Variants in EMP2 observed in about 807,000 individuals in gnomAD.
EMP2 encodes the protein epithelial membrane protein 2.
Under a neutral mutation model 13.7 loss-of-function variants are expected in EMP2, and 19 were observed. The observed-to-expected ratio is 1.38, with a 90% CI of 0.97 to 2.03. The LOEUF is 2.03. Among genes scored for constraint, EMP2 ranks in the 30% most tolerant of loss-of-function variants. The pLI, the probability that EMP2 is intolerant of heterozygous loss-of-function variation, is 0.00. For synonymous variants in EMP2, 97 were observed against 84.7 expected, an observed-to-expected ratio of 1.15 and a Z score of -0.80; for missense variants, 253 against 220.7, an observed-to-expected ratio of 1.15 and a Z score of -0.93.
At chr16:10,547,788 A>C in intron 1 of EMP2, 111 bp from the exon 2 acceptor site, 1 of 617,766 alleles carries the variant, frequency 1.6e-6, no homozygotes, top group South Asian at 2.1e-5. Context: ...ATAATCCTGG[A>C]ACTTTGGGAG....
At chr16:10,534,219 G>A (rs1420638023) in intron 4 of EMP2, among the ~76,000 whole-genome samples, 1 of 152,164 alleles carries the variant, frequency 6.6e-6, no homozygotes, top group East Asian at 1.9e-4. Flanking sequence ...AAATATTGTC[G>A]GGGCAGGATG....
rs748237183 is a variant in EMP2 at position 10,532,996 on chromosome 16, C to T, written c.413G>A (p.Ser138Asn). 2 of 1,612,186 alleles carry T rather than the reference C, an allele frequency of 1.2e-6. No homozygotes were observed. The highest frequency in any genetic ancestry group is 1.7e-6 in the Non-Finnish European group (2 of 1,179,268). Residue 138 changes from serine to asparagine, a missense_variant, in exon 5 of 5, where the codon AGC becomes AAC. Physicochemically the swap from Ser to Asn is conservative, Grantham distance 46. Transcript: ENST00000359543. ...AKFYPVTREG[S>N]YGYSYILAWV... The stretch of plus-strand genomic sequence containing the variant: ...CGCCAGGATGTAGGAGTAGCCGTAG[C>T]TGCCTTCTCTGGTCACGGGATAGAA...
chr16:10,552,015 G>A (rs1001297739), intron 1 of EMP2, among the ~76,000 whole-genome samples: 3 of 152,228 alleles, frequency 2.0e-5, no homozygotes, highest in East Asian at 1.9e-4. Flanking sequence ...GAACCAGCTT[G>A]GAGATTCTTC....
intron 3 of EMP2, among the ~76,000 whole-genome samples, chr16:10,539,035 A>C (rs1164785980): frequency 6.6e-6 from 1 of 151,902 alleles, no homozygotes; most frequent in African/African-American, 2.4e-5. Flanking sequence ...CTTGAACTCT[A>C]AAATGGGGAT....
chr16:10,554,779 G>C (rs140802228), intron 1 of EMP2, among the ~76,000 whole-genome samples: 2,265 of 152,132 alleles, frequency 0.015, 38 homozygotes, highest in Non-Finnish European at 0.021. Flanking sequence ...CCCTGAACAC[G>C]GTTCCCTGGA....
At position 10,529,726 on chromosome 16, in the gene EMP2, T is replaced by A. The variant is rs557929123; in HGVS notation, c.*3179A>T. The A allele has an allele frequency of 2.6e-5, 4 of 151,048 alleles. No homozygotes were observed. The highest frequency in any genetic ancestry group is 1.9e-4 in the East Asian group (1 of 5,152). 9.4% of individuals were successfully genotyped at this position (151,048 alleles called of 1,614,324 possible). On this transcript the variant is annotated 3_prime_UTR_variant, in exon 5 of 5. Transcript: ENST00000359543. ...TGGGCGGATCACCTGAGGTTGGGAG[T>A]TCGAAACCAGCCTGACCAACATGGA... is the stretch of plus-strand genomic sequence containing the variant.
intron 1 of EMP2, among the ~76,000 whole-genome samples, chr16:10,556,874 G>A (rs1042925766): frequency 1.3e-5 from 2 of 152,066 alleles, no homozygotes; most frequent in African/African-American, 4.8e-5. Context: ...CATGCTTAGG[G>A]CCTGGTGAAA....
chr16:10,541,794 C>T (rs2354414), intron 3 of EMP2, among the ~76,000 whole-genome samples: 65,993 of 151,966 alleles, frequency 0.43, 14,610 homozygotes, highest in Admixed American at 0.57. Context: ...CCTGGCTATG[C>T]GGCCTTGGGT....
intron 1 of EMP2, among the ~76,000 whole-genome samples, chr16:10,551,982 A>G (rs935555305): frequency 6.6e-6 from 1 of 152,318 alleles, no homozygotes; most frequent in South Asian, 2.1e-4. Context: ...GATTCTGTGC[A>G]TCACCAATTA....
At chr16:10,542,291 G>C (rs1418430022) in intron 3 of EMP2, among the ~76,000 whole-genome samples, 2 of 152,066 alleles carry the variant, frequency 1.3e-5, no homozygotes, top group African/African-American at 4.8e-5. Flanking sequence ...CCAGCTACTT[G>C]AGAGGCTGAG....
chr16:10,575,179 A>C (rs566388346), intron 1 of EMP2, among the ~76,000 whole-genome samples: 2 of 143,368 alleles, frequency 1.4e-5, no homozygotes, highest in African/African-American at 5.2e-5. Context: ...TTTGCACACC[A>C]CATATGGTGG....
At chr16:10,565,495 G>A (rs900838182) in intron 1 of EMP2, among the ~76,000 whole-genome samples, 14 of 152,186 alleles carry the variant, frequency 9.2e-5, no homozygotes, top group East Asian at 7.7e-4. Context: ...CTGCTGGCCC[G>A]CCCTGCAGAT....
chr16:10,568,150 T>C (rs1254073661), intron 1 of EMP2, among the ~76,000 whole-genome samples: 1 of 152,122 alleles, frequency 6.6e-6, no homozygotes, highest in Non-Finnish European at 1.5e-5. Flanking sequence ...GGGCACACCA[T>C]TGGGGCTTTA....
intron 1 of EMP2, among the ~76,000 whole-genome samples, chr16:10,550,152 C>G (rs1161038968): frequency 1.3e-5 from 2 of 152,128 alleles, no homozygotes; most frequent in African/African-American, 4.8e-5. Flanking sequence ...TCCCAAAGTG[C>G]TGGGATTACA....
intron 2 of EMP2, 37 bp from the exon 3 acceptor site, chr16:10,543,697 C>A (rs368368522): frequency 2.2e-4 from 352 of 1,599,126 alleles, no homozygotes; most frequent in Non-Finnish European, 2.3e-4. Flanking sequence ...AAAGGCCGTC[C>A]GTTCATGATG....
intron 4 of EMP2, among the ~76,000 whole-genome samples, chr16:10,534,625 G>T (rs952951837): frequency 6.6e-6 from 1 of 152,098 alleles, no homozygotes; most frequent in Non-Finnish European, 1.5e-5. Context: ...AATTAGCTGG[G>T]TGTGATGGTG....
At chr16:10,554,565 T>G (rs994596402) in intron 1 of EMP2, among the ~76,000 whole-genome samples, 2 of 152,158 alleles carry the variant, frequency 1.3e-5, no homozygotes, top group Admixed American at 6.5e-5. Context: ...GGGCTGTGTG[T>G]TGGATGAAGA....
chr16:10,545,841 T>A (rs1457660551), intron 2 of EMP2: 1 of 151,576 alleles, frequency 6.6e-6, no homozygotes, highest in Non-Finnish European at 1.5e-5. Context: ...GCCAAAAACG[T>A]TGGGGACCAC....
At chr16:10,541,268 G>A (rs976588813) in intron 3 of EMP2, among the ~76,000 whole-genome samples, 1 of 151,994 alleles carries the variant, frequency 6.6e-6, no homozygotes, top group Non-Finnish European at 1.5e-5. Flanking sequence ...GTACAGAAAA[G>A]TGGGCTATTT....
Sources: allele counts gnomAD v4.1 joint callset (sites outside exome capture counted in the v4.1 genomes callset), GRCh38; gene constraint gnomAD v4.1.1; transcripts MANE v1.5; gene names NCBI Gene and HGNC (gene_info 2026-07-23, HGNC 2026-07-21).